PZP: variants seen among roughly 807,000 people sequenced by gnomAD.
PZP encodes pregnancy zone protein.
PZP carries 150 observed loss-of-function variants against 179.8 expected under a neutral mutation model. The ratio of observed to expected loss-of-function variants is 0.83; its 90% CI spans 0.73 to 0.96. The LOEUF is 0.96. Ranked by LOEUF, PZP falls within the 40% of genes least tolerant of loss-of-function variation. The pLI is 0.00. For missense variants in PZP, 1,689 were observed against 1,764.0 expected (o/e 0.96, Z 0.76); for synonymous variants, 624 against 652.3 (o/e 0.96, Z 0.66).
At chr12:9,180,422 A>C (rs1424836835) in intron 15 of PZP, among the ~76,000 whole-genome samples, 1 of 152,230 alleles carries the variant, frequency 6.6e-6, no homozygotes, top group Non-Finnish European at 1.5e-5. Flanking sequence ...ACAGTAACCA[A>C]AAGAGCATGG....
intron 28 of PZP, 111 bp downstream of exon 28, chr12:9,157,064 A>G: frequency 2.0e-6 from 2 of 1,023,006 alleles, no homozygotes; most frequent in Non-Finnish European, 2.8e-6. Flanking sequence ...TTAGCTATCT[A>G]TCCTGATGCT....
At chr12:9,166,004 A>G in intron 18 of PZP, 48 bp downstream of exon 18, 1 of 1,559,240 alleles carries the variant, frequency 6.4e-7, no homozygotes, top group Admixed American at 2.1e-5. Context: ...TGTTGGAGGA[A>G]CCACATTCCC....
At position 9,192,212 on chromosome 12, in the gene PZP, C is replaced by T. The variant is rs145484330; in HGVS notation, c.1527G>A (p.Leu509=). Residue 509 remains leucine, a synonymous_variant, in exon 13 of 36, where the codon CTG becomes CTA. Transcript: ENST00000261336. ...GVIVRSGTHT[L]PVESGDMKGS... is the part of the protein sequence containing the mutation. The stretch of plus-strand genomic sequence containing the variant: ...ACTCACTGTCTCCTGACTCCACAGG[C>T]AGAGTGTGGGTTCCAGATCTGACGA... 1.2e-5 allele frequency: 19 copies of T among 1,613,988 alleles called. No homozygotes were observed. Among genetic ancestry groups the T allele is most frequent in the Non-Finnish European group, 1.5e-5 (18 of 1,179,904 alleles).
intron 15 of PZP, among the ~76,000 whole-genome samples, chr12:9,176,041 A>G (rs954919294): frequency 6.6e-6 from 1 of 152,242 alleles, no homozygotes; most frequent in African/African-American, 2.4e-5. Context: ...CACGATAGCA[A>G]AGACATGGAA....
chr12:9,196,503 A>G, intron 9 of PZP, 64 bp from the exon 10 acceptor site: 1 of 1,573,182 alleles, frequency 6.4e-7, no homozygotes, highest in African/African-American at 1.4e-5. Context: ...CTTTCTTACA[A>G]ATGACCTTTA....
intron 34 of PZP, among the ~76,000 whole-genome samples, 168 bp from the exon 35 acceptor site, chr12:9,149,770 C>A (rs1392147129): frequency 6.6e-6 from 1 of 152,180 alleles, no homozygotes; most frequent in Non-Finnish European, 1.5e-5. Context: ...TATTTATATT[C>A]TCTTTCCCTG....
At chr12:9,149,072 G>T in intron 35 of PZP, 78 bp from the exon 36 acceptor site, 1 of 1,311,254 alleles carries the variant, frequency 7.6e-7, no homozygotes, top group Non-Finnish European at 1.1e-6. Flanking sequence ...AGCAGAGTGA[G>T]CTTATGCAGG....
chr12:9,151,378 A>C (rs1940341430), intron 33 of PZP, among the ~76,000 whole-genome samples: 1 of 152,212 alleles, frequency 6.6e-6, no homozygotes, highest in Admixed American at 6.5e-5. Flanking sequence ...TTGTACTTTA[A>C]ATTTCATAGA....
chr12:9,192,425 A>T, intron 12 of PZP, 87 bp downstream of exon 12: 1 of 1,351,518 alleles, frequency 7.4e-7, no homozygotes, highest in South Asian at 1.2e-5. Context: ...GGCTGTGTGC[A>T]AGTAGTTTAT....
intron 17 of PZP, 92 bp downstream of exon 17, chr12:9,168,777 T>TG: frequency 2.1e-6 from 2 of 935,500 alleles, no homozygotes; most frequent in Non-Finnish European, 3.4e-6. Context: ...GTGTATAAAG[T>TG]GGAAATAGGG....
chr12:9,175,534 A>T (rs1362088953), intron 15 of PZP, among the ~76,000 whole-genome samples: 1 of 152,218 alleles, frequency 6.6e-6, no homozygotes, highest in Non-Finnish European at 1.5e-5. Context: ...CAACTTTAAG[A>T]ATGGGAGAAA....
intron 7 of PZP, among the ~76,000 whole-genome samples, chr12:9,199,686 T>C (rs903532919): frequency 5.3e-5 from 8 of 152,152 alleles, no homozygotes; most frequent in African/African-American, 1.9e-4. Context: ...TTTAAACCTC[T>C]AAGATATTTA....
chr12:9,187,177 G>T (rs1450047625), intron 13 of PZP, among the ~76,000 whole-genome samples: 2 of 151,500 alleles, frequency 1.3e-5, no homozygotes, highest in Non-Finnish European at 2.9e-5. Flanking sequence ...CAACACAGGA[G>T]CACCCAGATT....
In PZP at chr12:9,208,157, T is replaced by C. The variant is rs1944534882; in HGVS notation, c.83+102A>G. 4 of 795,608 alleles carry C rather than the reference T, an allele frequency of 5.0e-6. No individual in the cohort carries two copies. In the South Asian group the frequency reaches 5.9e-5, roughly 12 times the overall value. 49.3% of individuals were successfully genotyped at this position (795,608 alleles called of 1,614,324 possible). A position where few individuals can be genotyped will look rare whatever the true frequency, so the allele number is the denominator to read the frequency against. On this transcript the variant is annotated intron_variant, in intron 1 of 35. Coordinates refer to ENST00000261336, the MANE Select transcript of PZP (RefSeq NM_002864.3). ...ATAATTTCTTATATTTGGAAGGTATTGTAATGAGTGGAAAGGTGGCATTTA... is the reference window on the plus strand; with the variant it reads ...ATAATTTCTTATATTTGGAAGGTATCGTAATGAGTGGAAAGGTGGCATTTA...
At chr12:9,139,736 G>A in the PZP span, among the ~76,000 whole-genome samples, 1 of 152,096 alleles carries the variant, frequency 6.6e-6, no homozygotes, top group African/African-American at 2.4e-5. Context: ...TCTGATATAA[G>A]TGTAGCCACT....
intron 13 of PZP, among the ~76,000 whole-genome samples, chr12:9,188,587 C>T (rs748074538): frequency 2.0e-4 from 30 of 152,326 alleles, no homozygotes; most frequent in Middle Eastern, 3.4e-3. Context: ...CAAACTATCC[C>T]TGTTTGCAGA....
chr12:9,152,440 T>C (rs1940428967), intron 31 of PZP, 130 bp from the exon 32 acceptor site: 1 of 688,708 alleles, frequency 1.5e-6, no homozygotes, highest in Admixed American at 2.4e-5. Flanking sequence ...AGGTCTGTGT[T>C]CCCTGGACTT....
intron 24 of PZP, 88 bp downstream of exon 24, chr12:9,160,226 A>T (rs955145532): frequency 7.8e-7 from 1 of 1,281,038 alleles, no homozygotes; most frequent in Non-Finnish European, 1.1e-6. Context: ...AATTATCATC[A>T]TGGGTTAATA....
At chr12:9,203,337 C>CT (rs528084441) in intron 2 of PZP, among the ~76,000 whole-genome samples, 7,185 of 114,438 alleles carry the variant, frequency 0.063, 329 homozygotes, top group East Asian at 0.087. Context: ...AACTACATTC[C>CT]TTTTTTTTTT....
Sources: gnomAD v4.1 joint callset for allele counts (sites outside exome capture counted in the v4.1 genomes callset) on GRCh38, gnomAD v4.1.1 for gene constraint, MANE v1.5 for transcripts, NCBI Gene and HGNC (gene_info 2026-07-23, HGNC 2026-07-21) for gene names.